The following SPAG16 variants were observed in gnomAD, a reference collection of about 807,000 sequenced individuals.
The protein encoded by SPAG16 is sperm-associated antigen 16 protein.
A neutral mutation model predicts 80.4 loss-of-function variants in SPAG16; 86 were observed. The ratio of observed to expected loss-of-function variants is 1.07; its 90% CI spans 0.90 to 1.28. The LOEUF is 1.28. SPAG16 is among the 50% of genes most tolerant of loss of function. The probability of loss-of-function intolerance (pLI) is 0.00; values close to 1 mark genes in which losing one functional copy is unlikely to be tolerated. For synonymous variants in SPAG16, 294 were observed against 265.9 expected, an observed-to-expected ratio of 1.11 and a Z score of -1.03; for missense variants, 870 against 765.3, an observed-to-expected ratio of 1.14 and a Z score of -1.61.
At chr2:214,206,695 A>G (rs1158671583) in intron 15 of SPAG16, among the ~76,000 whole-genome samples, 1 of 152,196 alleles carries the variant, frequency 6.6e-6, no homozygotes, top group African/African-American at 2.4e-5. Context: ...TGGAACCTCC[A>G]TACTGTCTTC....
intron 10 of SPAG16, among the ~76,000 whole-genome samples, chr2:213,669,903 C>G (rs57166260): frequency 7.2e-4 from 110 of 152,088 alleles, no homozygotes; most frequent in African/African-American, 2.5e-3. Context: ...TCAGCAACAT[C>G]TAGTATTTTG....
chr2:213,412,699 G>A (rs77475949), intron 9 of SPAG16, among the ~76,000 whole-genome samples: 2 of 151,892 alleles, frequency 1.3e-5, no homozygotes, highest in Non-Finnish European at 2.9e-5. Flanking sequence ...TTGGAGAAGC[G>A]CTAAAGGCTT....
At chr2:213,939,064 A>G (rs1333594200) in intron 12 of SPAG16, among the ~76,000 whole-genome samples, 1 of 152,138 alleles carries the variant, frequency 6.6e-6, no homozygotes, top group African/African-American at 2.4e-5. Flanking sequence ...TCTCCACACA[A>G]TCTAGAATGA....
chr2:213,679,861 C>T (rs567848820), intron 10 of SPAG16, among the ~76,000 whole-genome samples: 3 of 152,044 alleles, frequency 2.0e-5, no homozygotes, highest in African/African-American at 7.2e-5. Context: ...CAGGAAGCAC[C>T]CATAGACTTT....
chr2:214,324,509 A>G (rs1327432097), intron 15 of SPAG16, among the ~76,000 whole-genome samples: 1 of 152,196 alleles, frequency 6.6e-6, no homozygotes, highest in African/African-American at 2.4e-5. Context: ...ACCGTGGTCT[A>G]CTACTTCAAA....
At chr2:213,556,781 C>A (rs1228733060) in intron 10 of SPAG16, among the ~76,000 whole-genome samples, 1 of 152,120 alleles carries the variant, frequency 6.6e-6, no homozygotes, top group African/African-American at 2.4e-5. Context: ...CATCCAACAG[C>A]AGAACAATAC....
At chr2:213,993,788 G>T (rs2046391484) in intron 12 of SPAG16, among the ~76,000 whole-genome samples, 1 of 152,104 alleles carries the variant, frequency 6.6e-6, no homozygotes, top group African/African-American at 2.4e-5. Flanking sequence ...ACTGGATATG[G>T]CATATGTAAA....
At chr2:214,314,583 A>C (rs941459240) in intron 15 of SPAG16, among the ~76,000 whole-genome samples, 1 of 152,222 alleles carries the variant, frequency 6.6e-6, no homozygotes, top group African/African-American at 2.4e-5. Flanking sequence ...ATCTTCTCAA[A>C]TACCTTGTTG....
At chr2:213,522,040 C>A (rs2125851619) in intron 10 of SPAG16, among the ~76,000 whole-genome samples, 1 of 152,192 alleles carries the variant, frequency 6.6e-6, no homozygotes, top group Middle Eastern at 3.4e-3. Flanking sequence ...AACTGCAGAG[C>A]CAAGAACATC....
intron 10 of SPAG16, among the ~76,000 whole-genome samples, chr2:213,708,186 T>A (rs1372511411): frequency 6.6e-6 from 1 of 152,170 alleles, no homozygotes; most frequent in African/African-American, 2.4e-5. Context: ...AAATATAGTG[T>A]TACTTATTAA....
In SPAG16 at chr2:214,305,166, T is replaced by C. The variant is rs983509944; in HGVS notation, c.1721-104974T>C. ...TTTTCATATGTTCGTTAGCTGCATGTATGTTTTCTTTTGAAAAGTGCCTGT... is the reference window on the plus strand; with the variant it reads ...TTTTCATATGTTCGTTAGCTGCATGCATGTTTTCTTTTGAAAAGTGCCTGT... On this transcript the variant is annotated intron_variant, in intron 15 of 15. Transcript: ENST00000331683. Among the ~76,000 whole-genome samples, 6 of 152,194 alleles carry C rather than the reference T, an allele frequency of 3.9e-5. No individual in the cohort carries two copies. The East Asian group carries it at 1.2e-3, about 29-fold the overall frequency.
At chr2:213,728,456 A>T (rs1370251813) in intron 10 of SPAG16, among the ~76,000 whole-genome samples, 2 of 152,180 alleles carry the variant, frequency 1.3e-5, no homozygotes, top group Non-Finnish European at 2.9e-5. Flanking sequence ...AAACTGGGAG[A>T]TGCCGTCTAA....
intron 10 of SPAG16, among the ~76,000 whole-genome samples, chr2:213,802,395 C>CTA (rs2071466453): frequency 6.8e-6 from 1 of 148,020 alleles, no homozygotes; most frequent in African/African-American, 2.5e-5. Flanking sequence ...TGATTCATGT[C>CTA]TCTATCTATC....
chr2:213,885,357 C>CTA (rs1226877839), intron 11 of SPAG16, among the ~76,000 whole-genome samples: 1 of 152,128 alleles, frequency 6.6e-6, no homozygotes, highest in African/African-American at 2.4e-5. Context: ...TAGCCATGAA[C>CTA]TATAGTGTGT....
intron 10 of SPAG16, among the ~76,000 whole-genome samples, chr2:213,625,050 C>T (rs1245383463): frequency 6.6e-6 from 1 of 152,156 alleles, no homozygotes; most frequent in Non-Finnish European, 1.5e-5. Context: ...ACCTCGGCCT[C>T]CCAAAGTGCT....
At chr2:214,228,377 C>A (rs147443830) in intron 15 of SPAG16, among the ~76,000 whole-genome samples, 3,475 of 151,852 alleles carry the variant, frequency 0.023, 89 homozygotes, top group African/African-American at 0.06. Context: ...ATCATGTTAA[C>A]ATATTAAAAT....
At chr2:213,394,025 A>G (rs1331600245) in intron 9 of SPAG16, among the ~76,000 whole-genome samples, 2 of 152,028 alleles carry the variant, frequency 1.3e-5, no homozygotes, top group Non-Finnish European at 2.9e-5. Flanking sequence ...ATGGTGACTT[A>G]TATTTTCTGT....
At chr2:213,858,916 C>T (rs1197967917) in intron 10 of SPAG16, among the ~76,000 whole-genome samples, 1 of 151,914 alleles carries the variant, frequency 6.6e-6, no homozygotes, top group Non-Finnish European at 1.5e-5. Context: ...TGCAGTGGCT[C>T]ACGCCTGTAA....
intron 6 of SPAG16, among the ~76,000 whole-genome samples, chr2:213,340,705 A>G (rs1025446745): frequency 9.2e-5 from 14 of 152,284 alleles, no homozygotes; most frequent in African/African-American, 3.4e-4. Flanking sequence ...TAGAGAGTAA[A>G]GTGCAGCTGT....
Sources: allele counts gnomAD v4.1 joint callset (sites outside exome capture counted in the v4.1 genomes callset), GRCh38; gene constraint gnomAD v4.1.1; transcripts MANE v1.5; gene names NCBI Gene and HGNC (gene_info 2026-07-23, HGNC 2026-07-21).